KIAA1614: variants seen among roughly 807,000 people sequenced by gnomAD.
KIAA1614 encodes the protein uncharacterized protein KIAA1614.
A neutral mutation model predicts 88.7 loss-of-function variants in KIAA1614; 76 were observed. That is an observed-to-expected ratio of 0.86 (90% CI 0.71 to 1.04). KIAA1614 has a LOEUF of 1.04. Ranked by LOEUF, KIAA1614 falls within the 50% of genes least tolerant of loss-of-function variation. KIAA1614 has a pLI of 0.00. For missense variants in KIAA1614, 1,553 were observed against 1,582.5 expected, an observed-to-expected ratio of 0.98 and a Z score of 0.32; for synonymous variants, 714 against 675.5, an observed-to-expected ratio of 1.06 and a Z score of -0.88.
At chr1:180,914,388 G>A (rs1178670771) in intron 1 of KIAA1614, among the ~76,000 whole-genome samples, 2 of 152,204 alleles carry the variant, frequency 1.3e-5, no homozygotes, top group Non-Finnish European at 2.9e-5. Context: ...CAGAATAAGG[G>A]GAGTAGGGTT....
In KIAA1614 at chr1:180,941,231, C is replaced by G. The variant is rs1245019718; in HGVS notation, c.3105C>G (p.Ala1035=). 6.2e-7 allele frequency: 1 copy of G among 1,613,776 alleles called. No individual in the cohort carries two copies. The highest frequency in any genetic ancestry group is 1.7e-5 in the Admixed American group (1 of 60,020). ...RSYSVEQLQP[A]PPGLTSQSRA... is the part of the protein sequence containing the mutation. ...ACAGTGTGGAGCAGTTGCAGCCCGC[C>G]CCGCCTGGCCTGACGTCACAGTCCA... The change falls in exon 7 of 9, where the codon GCC becomes GCG. Residue 1035 remains alanine (A), a synonymous_variant. Transcript: ENST00000367588.
chr1:180,916,924 A>G lies in KIAA1614; in HGVS notation c.821A>G (p.Glu274Gly), dbSNP rs897995152. The G allele has an allele frequency of 1.2e-6, 2 of 1,614,202 alleles. No homozygotes were observed. The highest frequency in any genetic ancestry group is 2.2e-5 in the East Asian group (1 of 44,890). The change falls in exon 2 of 9, where the codon GAG becomes GGG. Residue 274 changes from glutamate (E) to glycine (G), a missense_variant. Physicochemically the swap from Glu to Gly is moderately conservative, Grantham distance 98. Coordinates refer to ENST00000367588, the MANE Select transcript of KIAA1614 (RefSeq NM_020950.2). ...GTCCCCAGGACGGCCCTGCTGGGTG[A>G]GCGCTGGAGAGCTGGAGACCTGGAG... ...VFVPRTALLG[E>G]RWRAGDLEAL...
In KIAA1614 at chr1:180,916,518, G is replaced by A. The variant is rs1237347874; in HGVS notation, c.415G>A (p.Val139Met). 4 of 1,613,888 alleles carry A rather than the reference G, an allele frequency of 2.5e-6. No homozygotes were observed. In the African/African-American group the frequency reaches 4.0e-5, roughly 16 times the overall value. The change falls in exon 2 of 9, where the codon GTG (valine) becomes ATG (methionine). Residue 139 changes from valine to methionine, a missense_variant. Transcript: ENST00000367588. ...AGAGGGGTCTTTCCTGCCAGGTGCT[G>A]TGGTGGCTCCTCGTACCCAAAACCT... ...PSEGSFLPGAVVAPRTQNLPD... is the reference protein window; with the variant it reads ...PSEGSFLPGAMVAPRTQNLPD...
intron 7 of KIAA1614, among the ~76,000 whole-genome samples, chr1:180,942,804 G>T (rs1654498234): frequency 6.6e-6 from 1 of 152,168 alleles, no homozygotes; most frequent in African/African-American, 2.4e-5. Context: ...GAGCTGAATG[G>T]ACAGAGATAG....
intron 4 of KIAA1614, among the ~76,000 whole-genome samples, chr1:180,933,804 T>G (rs1654253748): frequency 6.6e-6 from 1 of 151,900 alleles, no homozygotes; most frequent in South Asian, 2.1e-4. Context: ...GACGAGAGTG[T>G]GTGTGAGGGC....
chr1:180,919,086 C>T (rs547871209), intron 3 of KIAA1614, among the ~76,000 whole-genome samples: 1 of 152,312 alleles, frequency 6.6e-6, no homozygotes, highest in South Asian at 2.1e-4. Context: ...CCCAAAGCTC[C>T]ACCTCCTGAC....
At chr1:180,945,056 T>G (rs1039708790) in intron 8 of KIAA1614, 2 of 506,304 alleles carry the variant, frequency 4.0e-6, no homozygotes, top group Non-Finnish European at 6.8e-6. Flanking sequence ...CCCCAAAATT[T>G]GAAACCACTG....
At chr1:180,944,971 AG>A (rs34477324) in intron 8 of KIAA1614, 146,116 of 333,184 alleles carry the variant, frequency 0.44, 34,039 homozygotes, top group South Asian at 0.52. Flanking sequence ...GATGTACTTC[AG>A]GGTGTATGTT....
At chr1:180,921,824 CATAAG>C (rs965866030) in intron 3 of KIAA1614, among the ~76,000 whole-genome samples, 1 of 152,186 alleles carries the variant, frequency 6.6e-6, no homozygotes, top group African/African-American at 2.4e-5. Flanking sequence ...TGGAAGGACT[CATAAG>C]AGAGAAGTGG....
At chr1:180,944,342 C>T (rs1331074489) in intron 7 of KIAA1614, 47 bp from the exon 8 acceptor site, 1 of 1,600,518 alleles carries the variant, frequency 6.2e-7, no homozygotes, top group Non-Finnish European at 8.5e-7. Flanking sequence ...CTGTCAGCAC[C>T]TCCCAGGTAG....
Position 180,935,317 on chromosome 1 carries a change from C to G in KIAA1614, c.1408C>G (p.Gln470Glu). The change falls in exon 5 of 9, where the codon CAG (glutamine) becomes GAG (glutamate). Residue 470 changes from glutamine to glutamate, a missense_variant. By Grantham distance (29) the Gln-to-Glu change is conservative. Coordinates refer to ENST00000367588, the MANE Select transcript of KIAA1614 (RefSeq NM_020950.2). This position sits in a 1 kb window ranked among gnomAD's most constrained non-coding sequence, Gnocchi z 6.1. ...GTTCCGTCACCTGGAGCGGCTGCAG[C>G]AGCGCCAGCGCCAGGTGCTGAGCAC... ...AEFRHLERLQ[Q>E]RQRQVLSTVL... 6.8e-7 allele frequency: 1 copy of G among 1,478,830 alleles called. No individual in the cohort carries two copies. The highest frequency in any genetic ancestry group is 8.9e-7 in the Non-Finnish European group (1 of 1,117,804). 91.6% of individuals were successfully genotyped at this position (1,478,830 alleles called of 1,614,324 possible).
intron 3 of KIAA1614, 80 bp downstream of exon 3, chr1:180,917,994 A>C (rs1213309100): frequency 8.1e-7 from 1 of 1,230,802 alleles, no homozygotes; most frequent in Non-Finnish European, 1.2e-6. Context: ...GGACAGTAAG[A>C]GACCTCCCAA....
In KIAA1614 at chr1:180,941,134, C is replaced by T. The variant is rs1054645129; in HGVS notation, c.3008C>T (p.Thr1003Ile). ...AAAAGGAGCAGCAGCATAGCCTCCA[C>T]CCTGGGGCTGAAAAAGCTCTTCTCA... Reference protein sequence around the residue: ...NKKRSSSIASTLGLKKLFSAL... With the variant: ...NKKRSSSIASILGLKKLFSAL... The change falls in exon 7 of 9, where the codon ACC (threonine) becomes ATC (isoleucine). Residue 1003 changes from threonine (T) to isoleucine (I), a missense_variant. Physicochemically the swap from Thr to Ile is moderately conservative, Grantham distance 89. Coordinates refer to ENST00000367588, the MANE Select transcript of KIAA1614 (RefSeq NM_020950.2). The T allele has an allele frequency of 1.2e-6, 2 of 1,613,478 alleles. No homozygotes were observed. The highest frequency in any genetic ancestry group is 2.7e-5 in the African/African-American group (2 of 74,892).
At chr1:180,939,322 C>T (rs767197910) in intron 6 of KIAA1614, among the ~76,000 whole-genome samples, 19 of 152,232 alleles carry the variant, frequency 1.2e-4, no homozygotes, top group Admixed American at 5.2e-4. Context: ...CTCTCCAGAA[C>T]TTCAGAGCTG....
At chr1:180,919,537 T>C (rs1653902126) in intron 3 of KIAA1614, among the ~76,000 whole-genome samples, 1 of 152,140 alleles carries the variant, frequency 6.6e-6, no homozygotes, top group South Asian at 2.1e-4. Context: ...GATGCCCTCT[T>C]CTGCAGAGGT....
rs753696911 is a variant in KIAA1614, at chr1:180,917,857, C to A, written c.1004C>A (p.Pro335Gln). 3.0e-5 allele frequency: 48 copies of A among 1,613,900 alleles called. No individual in the cohort carries two copies. The highest frequency in any genetic ancestry group is 3.8e-5 in the Non-Finnish European group (45 of 1,179,866). The change falls in exon 3 of 9, where the codon CCA becomes CAA. Residue 335 changes from proline (P) to glutamine (Q), a missense_variant. Coordinates refer to ENST00000367588, the MANE Select transcript of KIAA1614 (RefSeq NM_020950.2). ...CTTCTGTTCTGGATCCTAGAGCGAC[C>A]AGTGGGGGATGTGGACTGGGCCTCG... ...PSWDTAAPER[P>Q]VGDVDWASGT...
At position 180,935,705 on chromosome 1, in the gene KIAA1614, TC is replaced by T; in HGVS notation, c.1797del (p.Ile599MetfsTer91). 6.2e-7 allele frequency: 1 copy of T among 1,613,628 alleles called. No individual in the cohort carries two copies. Among genetic ancestry groups the T allele is most frequent in the Non-Finnish European group, 8.5e-7 (1 of 1,179,918 alleles). ...LHMEWIRETH[I>X]GDTVCPAEVD... ...ATGGAATGGATCCGGGAAACACACATCGGAGACACCGTGTGCCCTGCGGAGG... is the reference window on the plus strand; with the variant it reads ...ATGGAATGGATCCGGGAAACACACATGGAGACACCGTGTGCCCTGCGGAGG... On this transcript the variant is annotated frameshift_variant, in exon 5 of 9. Coordinates refer to ENST00000367588, the MANE Select transcript of KIAA1614 (RefSeq NM_020950.2). LOFTEE classifies it high-confidence loss of function. This position sits in a 1 kb window ranked among gnomAD's most constrained non-coding sequence, Gnocchi z 6.1.
At position 180,946,016 on chromosome 1, in the gene KIAA1614, T is replaced by C. The variant is rs1173150791; in HGVS notation, c.*428T>C. Reference sequence around the variant, plus strand: ...TACTTGGGAGGCTGAGGCAGGAGAATTGCTTGAACCCGGGAGGTAGAGGTT... The same window carrying C: ...TACTTGGGAGGCTGAGGCAGGAGAACTGCTTGAACCCGGGAGGTAGAGGTT... On this transcript the variant is annotated 3_prime_UTR_variant, in exon 9 of 9. Transcript: ENST00000367588. 1 of 162,304 alleles carries C rather than the reference T, an allele frequency of 6.2e-6. No individual in the cohort carries two copies. 10.1% of individuals were successfully genotyped at this position (162,304 alleles called of 1,614,324 possible). A position where few individuals can be genotyped will look rare whatever the true frequency, so the allele number is the denominator to read the frequency against.
At chr1:180,928,138 A>T (rs1009875214) in intron 3 of KIAA1614, 1 of 314,790 alleles carries the variant, frequency 3.2e-6, no homozygotes, top group Non-Finnish European at 5.8e-6. Flanking sequence ...AGACTCTCCT[A>T]CCCTTTCTAG....
Sources: allele counts gnomAD v4.1 joint callset (sites outside exome capture counted in the v4.1 genomes callset), GRCh38; gene constraint gnomAD v4.1.1; non-coding constraint Gnocchi (gnomAD v3.1); transcripts MANE v1.5; gene names NCBI Gene and HGNC (gene_info 2026-07-23, HGNC 2026-07-21).